MCPH1: variants seen among roughly 807,000 people sequenced by gnomAD.
MCPH1 encodes the protein microcephalin 1.
Under a neutral mutation model 84.5 loss-of-function variants are expected in MCPH1, and 104 were observed. That is an observed-to-expected ratio of 1.23 (90% CI 1.05 to 1.45). The LOEUF (loss-of-function observed/expected upper bound fraction) is 1.45. Among genes scored for constraint, MCPH1 ranks in the 40% most tolerant of loss-of-function variants. MCPH1 has a pLI of 0.00. For synonymous variants in MCPH1, 514 were observed against 366.8 expected (o/e 1.40, Z -4.58); for missense variants, 1,498 against 1,005.7 (o/e 1.49, Z -6.62).
intron 12 of MCPH1, among the ~76,000 whole-genome samples, chr8:6,549,592 C>G (rs904678686): frequency 6.6e-6 from 1 of 151,810 alleles, no homozygotes; most frequent in Non-Finnish European, 1.5e-5. Flanking sequence ...GGGAAGCCTT[C>G]TGCATCTTGA....
chr8:6,579,933 T>C (rs1472918815), intron 12 of MCPH1, among the ~76,000 whole-genome samples: 1 of 152,214 alleles, frequency 6.6e-6, no homozygotes, highest in Non-Finnish European at 1.5e-5. Context: ...CCACCATTGC[T>C]GGGCCAGGAC....
chr8:6,568,230 G>A (rs1412687405), intron 12 of MCPH1, among the ~76,000 whole-genome samples: 1 of 151,960 alleles, frequency 6.6e-6, no homozygotes, highest in African/African-American at 2.4e-5. Flanking sequence ...GGAAGTGGGT[G>A]GCGCGTGGAC....
intron 12 of MCPH1, chr8:6,508,808 T>C: frequency 1.5e-6 from 2 of 1,316,480 alleles, no homozygotes; most frequent in Non-Finnish European, 2.2e-6. Flanking sequence ...ATCAAGCTAG[T>C]GTGTCTACGT....
chr8:6,542,612 G>A (rs1316480592), intron 12 of MCPH1, among the ~76,000 whole-genome samples: 1 of 150,368 alleles, frequency 6.7e-6, no homozygotes, highest in Non-Finnish European at 1.5e-5. Context: ...AAAAAAAAAA[G>A]TGCTGTCTGA....
chr8:6,412,753 T>G (rs1448541908), intron 2 of MCPH1, among the ~76,000 whole-genome samples: 1 of 152,232 alleles, frequency 6.6e-6, no homozygotes, highest in Non-Finnish European at 1.5e-5. Flanking sequence ...AGTCTTAATC[T>G]AGAATCTCAG....
chr8:6,408,649 C>T (rs1419844234), intron 1 of MCPH1, among the ~76,000 whole-genome samples: 4 of 151,626 alleles, frequency 2.6e-5, no homozygotes, highest in African/African-American at 7.3e-5. Context: ...TCTCCCACCT[C>T]AGCTTCTCCA....
rs949970921 is a variant in MCPH1, at chr8:6,483,226, G to A, written c.2136+2350G>A. 3.3e-5 allele frequency among the ~76,000 whole-genome samples: 5 copies of A among 152,208 alleles called. No individual in the cohort carries two copies. The East Asian group carries it at 7.7e-4, about 23-fold the overall frequency. On this transcript the variant is annotated intron_variant, in intron 11 of 13. Transcript: ENST00000344683. ...CAATGTTCATGGATTAGAAGACATAGTACAGTGAACATGTCACTTCTTCCC... is the reference window on the plus strand; with the variant it reads ...CAATGTTCATGGATTAGAAGACATAATACAGTGAACATGTCACTTCTTCCC...
At chr8:6,492,600 C>G (rs1810749229) in intron 11 of MCPH1, among the ~76,000 whole-genome samples, 1 of 149,822 alleles carries the variant, frequency 6.7e-6, no homozygotes, top group Non-Finnish European at 1.5e-5. Flanking sequence ...ATAGAAATAG[C>G]ATATTTCTAT....
chr8:6,515,443 G>A (rs1015300953), intron 12 of MCPH1, among the ~76,000 whole-genome samples: 5 of 152,114 alleles, frequency 3.3e-5, no homozygotes, highest in South Asian at 2.1e-4. Context: ...ATGACTTCAC[G>A]CTTCTCTGTA....
intron 12 of MCPH1, among the ~76,000 whole-genome samples, chr8:6,605,935 G>A (rs534009867): frequency 6.6e-6 from 1 of 152,234 alleles, no homozygotes; most frequent in African/African-American, 2.4e-5. Flanking sequence ...GACCTCAAGT[G>A]ATCTACCCCC....
chr8:6,625,591 C>G, intron 13 of MCPH1: 1 of 985,110 alleles, frequency 1.0e-6, no homozygotes, highest in African/African-American at 1.7e-5. Flanking sequence ...TAAATTTATT[C>G]AAACTGGAAT....
intron 12 of MCPH1, among the ~76,000 whole-genome samples, chr8:6,504,864 C>T (rs1812964791): frequency 6.6e-6 from 1 of 152,020 alleles, no homozygotes; most frequent in Non-Finnish European, 1.5e-5. Flanking sequence ...TGTGTGATTT[C>T]AGGCATTTGC....
chr8:6,534,289 G>A (rs757588350), intron 12 of MCPH1, among the ~76,000 whole-genome samples: 6 of 152,290 alleles, frequency 3.9e-5, no homozygotes, highest in East Asian at 1.9e-4. Context: ...CATTGACATT[G>A]TGTTAGGTAT....
At chr8:6,407,394 ACT>A (rs1797893369) in intron 1 of MCPH1, among the ~76,000 whole-genome samples, 1 of 151,622 alleles carries the variant, frequency 6.6e-6, no homozygotes, top group Non-Finnish European at 1.5e-5. Context: ...CGTTTAGGTG[ACT>A]CTCCCTGTGT....
intron 11 of MCPH1, among the ~76,000 whole-genome samples, chr8:6,490,441 C>G (rs1027039171): frequency 2.6e-5 from 4 of 152,056 alleles, no homozygotes; most frequent in Non-Finnish European, 4.4e-5. Context: ...AAACTCTATC[C>G]CCAAGTTAAA....
Position 6,626,773 on chromosome 8 carries a change from G to A in MCPH1, c.2452+5082G>A, listed in dbSNP as rs77991116. 1,640 of 985,236 alleles carry A rather than the reference G, an allele frequency of 1.7e-3. 23 individuals are homozygous for A. The African/African-American group carries it at 0.026, about 15-fold the overall frequency. The allele number at this position is 985,236 out of a possible 1,614,324, so 61.0% of individuals were successfully genotyped here. On this transcript the variant is annotated intron_variant, in intron 13 of 13. Transcript: ENST00000344683. ...CTTGGGTGGAGCTCTGAGCCCTGGC[G>A]CGGTCCTCAAGGGTCTGCGACATTT... is the stretch of plus-strand genomic sequence containing the variant.
intron 9 of MCPH1, among the ~76,000 whole-genome samples, chr8:6,461,841 A>C (rs1806332005): frequency 6.6e-6 from 1 of 152,248 alleles, no homozygotes. Context: ...CTATGTATAG[A>C]TACCAGCACT....
chr8:6,419,395 T>A (rs563691883), intron 3 of MCPH1, among the ~76,000 whole-genome samples: 19 of 143,440 alleles, frequency 1.3e-4, no homozygotes, highest in African/African-American at 4.6e-4. Context: ...CATTAAAAAA[T>A]TTTTTTTTTC....
At chr8:6,602,492 G>A (rs766053114) in intron 12 of MCPH1, among the ~76,000 whole-genome samples, 10 of 152,106 alleles carry the variant, frequency 6.6e-5, no homozygotes, top group Admixed American at 1.3e-4. Flanking sequence ...GGATGCATGC[G>A]GGAGGAATGG....
Sources: allele counts gnomAD v4.1 joint callset (sites outside exome capture counted in the v4.1 genomes callset), GRCh38; gene constraint gnomAD v4.1.1; transcripts MANE v1.5; gene names NCBI Gene and HGNC (gene_info 2026-07-23, HGNC 2026-07-21).